The following ANXA6 variants were observed in gnomAD, a reference collection of about 807,000 sequenced individuals.
The protein encoded by ANXA6 is 67 kDa calelectrin.
Under a neutral mutation model 95.4 loss-of-function variants are expected in ANXA6, and 71 were observed. The observed-to-expected ratio is 0.74, with a 90% CI of 0.61 to 0.91. The LOEUF (loss-of-function observed/expected upper bound fraction) is 0.91, where lower values mean the gene tolerates loss of function less well. ANXA6 is among the 40% of genes least tolerant of loss of function. ANXA6 has a pLI of 0.00. For missense variants in ANXA6, 830 were observed against 876.4 expected, an observed-to-expected ratio of 0.95 and a Z score of 0.67; for synonymous variants, 289 against 315.9, an observed-to-expected ratio of 0.91 and a Z score of 0.90.
In ANXA6 at chr5:151,140,184, G is replaced by A. The variant is rs773420336; in HGVS notation, c.78C>T (p.Ala26=). 2.0e-5 allele frequency: 33 copies of A among 1,613,748 alleles called. No homozygotes were observed. Among genetic ancestry groups the A allele is most frequent in the South Asian group, 1.3e-4 (12 of 91,078 alleles). ...DFPGFDPNQD[A]EALYTAMKGF... is the part of the protein sequence containing the mutation. ...CCTTCATGGCAGTGTACAGAGCCTC[G>A]GCATCCTGGTTGGGGTCAAAGCCTG... The change falls in exon 3 of 26, where the codon GCC becomes GCT. Residue 26 remains alanine (A), a synonymous_variant. Transcript: ENST00000354546.
intron 2 of ANXA6, among the ~76,000 whole-genome samples, chr5:151,146,748 C>A (rs1291654665): frequency 6.6e-6 from 1 of 152,126 alleles, no homozygotes; most frequent in Non-Finnish European, 1.5e-5. Context: ...TTCTCCAACG[C>A]CAGCCAACAG....
At chr5:151,117,027 G>T in intron 20 of ANXA6, 100 bp downstream of exon 20, 1 of 1,111,774 alleles carries the variant, frequency 9.0e-7, no homozygotes, top group Non-Finnish European at 1.3e-6. Context: ...CCTGCCAGGA[G>T]CCTTCACTCA....
intron 22 of ANXA6, among the ~76,000 whole-genome samples, chr5:151,109,334 T>C (rs954782764): frequency 1.3e-5 from 2 of 152,338 alleles, no homozygotes; most frequent in African/African-American, 2.4e-5. Flanking sequence ...GCCCTGAGCA[T>C]GCGGCAGCCT....
chr5:151,107,768 A>G (rs978465806), intron 23 of ANXA6, among the ~76,000 whole-genome samples: 1 of 152,228 alleles, frequency 6.6e-6, no homozygotes, highest in Non-Finnish European at 1.5e-5. Context: ...TAAGATCCAA[A>G]AGGGAAAAAC....
At chr5:151,139,328 T>C (rs769198040) in intron 4 of ANXA6, 25 bp downstream of exon 4, 26 of 1,537,768 alleles carry the variant, frequency 1.7e-5, no homozygotes, top group Non-Finnish European at 2.0e-5. Context: ...CCGCACCCCA[T>C]GGGCCCTCCG....
At position 151,139,165 on chromosome 5, in the gene ANXA6, A is replaced by G. The variant is rs140703495; in HGVS notation, c.204+188T>C. 380 of 597,232 alleles carry G rather than the reference A, an allele frequency of 6.4e-4. 2 individuals carry two copies. The highest frequency in any genetic ancestry group is 5.9e-3 in the African/African-American group (318 of 53,866). 37.0% of individuals were successfully genotyped at this position (597,232 alleles called of 1,614,324 possible). A position where few individuals can be genotyped will look rare whatever the true frequency, so the allele number is the denominator to read the frequency against. On this transcript the variant is annotated intron_variant, in intron 4 of 25. Transcript: ENST00000354546. Reference sequence around the variant, plus strand: ...AACACCTAGCACGAGCCCAGCATACAGCAGGTGCTGTGGGTGTATTAAAGG... The same window carrying G: ...AACACCTAGCACGAGCCCAGCATACGGCAGGTGCTGTGGGTGTATTAAAGG...
At chr5:151,140,577 AATATATAT>A (rs61352316) in intron 2 of ANXA6, 8,915 of 143,814 alleles carry the variant, frequency 0.062, 920 homozygotes, top group African/African-American at 0.19. Flanking sequence ...GCAAGAGTCA[AATATATAT>A]ATATATATAT....
chr5:151,118,719 C>T (rs961134055), intron 18 of ANXA6, among the ~76,000 whole-genome samples: 11 of 152,116 alleles, frequency 7.2e-5, no homozygotes, highest in African/African-American at 2.7e-4. Flanking sequence ...AGGGGTGAAC[C>T]ACCGCACCCA....
intron 25 of ANXA6, among the ~76,000 whole-genome samples, chr5:151,103,076 A>C (rs1561562358): frequency 6.6e-6 from 1 of 152,308 alleles, no homozygotes; most frequent in East Asian, 1.9e-4. Context: ...AGCTCACTGC[A>C]ACCTCTACCT....
At chr5:151,116,757 T>A (rs1217867602) in intron 20 of ANXA6, among the ~76,000 whole-genome samples, 2 of 152,174 alleles carry the variant, frequency 1.3e-5, no homozygotes, top group Non-Finnish European at 2.9e-5. Context: ...GGCCCTCTTC[T>A]CAGCAAGTTC....
chr5:151,111,339 C>T (rs572978781), intron 20 of ANXA6, among the ~76,000 whole-genome samples: 4 of 152,196 alleles, frequency 2.6e-5, no homozygotes, highest in Admixed American at 2.0e-4. Flanking sequence ...ACCTAGGCTG[C>T]GTATTGCTTT....
At chr5:151,109,659 G>C in intron 22 of ANXA6, 94 bp downstream of exon 22, 2 of 994,264 alleles carry the variant, frequency 2.0e-6, no homozygotes, top group South Asian at 2.8e-5. Flanking sequence ...AGGTGGGTGG[G>C]CAACGGGCTC....
chr5:151,148,901 G>A (rs553601659), intron 1 of ANXA6, among the ~76,000 whole-genome samples: 7 of 152,184 alleles, frequency 4.6e-5, no homozygotes, highest in South Asian at 2.1e-4. Flanking sequence ...CAGGCTGGTC[G>A]TGGTAGCTCA....
intron 10 of ANXA6, 122 bp from the exon 11 acceptor site, chr5:151,131,411 C>A: frequency 1.0e-6 from 1 of 983,374 alleles, no homozygotes; most frequent in Non-Finnish European, 1.6e-6. Flanking sequence ...GAAGAACCAC[C>A]GTTCCTGATA....
intron 1 of ANXA6, among the ~76,000 whole-genome samples, chr5:151,149,023 A>T (rs556708068): frequency 0.013 from 1,929 of 144,882 alleles, 44 homozygotes; most frequent in African/African-American, 0.045. Flanking sequence ...AAAAAAAAAT[A>T]AAAAAAAAAT....
At chr5:151,127,469 G>A (rs147323358) in intron 13 of ANXA6, among the ~76,000 whole-genome samples, 4 of 152,184 alleles carry the variant, frequency 2.6e-5, no homozygotes, top group East Asian at 1.9e-4. Flanking sequence ...GCATGACTTC[G>A]GACATATGAA....
At chr5:151,142,525 AT>A (rs989625579) in intron 2 of ANXA6, among the ~76,000 whole-genome samples, 1 of 151,908 alleles carries the variant, frequency 6.6e-6, no homozygotes, top group African/African-American at 2.4e-5. Context: ...GCTCAAAATT[AT>A]TTCTTTGCAA....
At chr5:151,139,201 C>T (rs1765754843) in intron 4 of ANXA6, 152 bp downstream of exon 4, 1 of 619,948 alleles carries the variant, frequency 1.6e-6, no homozygotes, top group Non-Finnish European at 2.8e-6. Context: ...CTGAAAGACG[C>T]CCAGCTGATG....
chr5:151,126,606 C>A, intron 13 of ANXA6, 126 bp from the exon 14 acceptor site: 1 of 740,210 alleles, frequency 1.4e-6, no homozygotes. Context: ...ACACCACACA[C>A]ACATTAAGCT....
Sources: allele counts gnomAD v4.1 joint callset (sites outside exome capture counted in the v4.1 genomes callset), GRCh38; gene constraint gnomAD v4.1.1; transcripts MANE v1.5; gene names NCBI Gene and HGNC (gene_info 2026-07-23, HGNC 2026-07-21).